ZNF154: variants seen among roughly 807,000 people sequenced by gnomAD.
ZNF154 encodes zinc finger protein 154.
In ZNF154, 6 loss-of-function variants were observed where a neutral mutation model predicts 7.5. The observed-to-expected ratio is 0.80, with a 90% CI of 0.44 to 1.57. ZNF154 has a LOEUF of 1.57. Ranked by LOEUF, ZNF154 falls within the 40% of genes most tolerant of loss-of-function variation. ZNF154 has a pLI of 0.01. For synonymous variants in ZNF154, 187 were observed against 185.9 expected (o/e 1.01, Z -0.05); for missense variants, 485 against 531.4 (o/e 0.91, Z 0.86).
chr19:57,701,722 C>A lies in ZNF154; in HGVS notation c.1227G>T (p.Gly409=). 1.2e-6 allele frequency: 2 copies of A among 1,613,748 alleles called. No individual in the cohort carries two copies. Among genetic ancestry groups the A allele is most frequent in the Non-Finnish European group, 1.7e-6 (2 of 1,179,880 alleles). ...GLIKHRRVHT[G]EKPYECTECG... ...ATTCCGTGCACTCATAAGGCTTCTC[C>A]CCAGTGTGAACCCTCCTGTGCTTAA... The change falls in exon 3 of 3, where the codon GGG becomes GGT. Residue 409 remains glycine, a synonymous_variant. Transcript: ENST00000684351.
Position 57,709,069 on chromosome 19 carries a change from G to A in ZNF154, c.-98C>T, listed in dbSNP as rs1005762558. Reference sequence around the variant, plus strand: ...TCCCAGGCCTGACGTGGGTCCCCCAGGGCGGCGTCGCCAAGGCTTAGACGC... The same window carrying A: ...TCCCAGGCCTGACGTGGGTCCCCCAAGGCGGCGTCGCCAAGGCTTAGACGC... On this transcript the variant is annotated 5_prime_UTR_variant, in exon 1 of 3. Coordinates refer to ENST00000684351, the MANE Select transcript of ZNF154 (RefSeq NM_001085384.3). 2.6e-6 allele frequency: 4 copies of A among 1,514,626 alleles called. No homozygotes were observed. Among genetic ancestry groups the A allele is most frequent in the South Asian group, 1.2e-5 (1 of 83,162 alleles). 93.8% of individuals were successfully genotyped at this position (1,514,626 alleles called of 1,614,324 possible).
At chr19:57,707,117 A>C (rs1388030213) in intron 1 of ZNF154, among the ~76,000 whole-genome samples, 1 of 148,466 alleles carries the variant, frequency 6.7e-6, no homozygotes, top group Non-Finnish European at 1.5e-5. Context: ...CCATCTCAAA[A>C]AAAAAAAAAA....
At position 57,699,074 on chromosome 19, in the gene ZNF154, A is replaced by T; in HGVS notation, c.*2561T>A. ...CCCAAAGTGCTGGGATTACAGGTGT[A>T]AGCCACCGCATCTGGCCTCTTTTTT... On this transcript the variant is annotated 3_prime_UTR_variant, in exon 3 of 3. Coordinates refer to ENST00000684351, the MANE Select transcript of ZNF154 (RefSeq NM_001085384.3). The T allele has an allele frequency of 6.8e-6, 1 of 146,802 alleles. No individual in the cohort carries two copies. Among genetic ancestry groups the T allele is most frequent in the Non-Finnish European group, 1.5e-5 (1 of 66,876 alleles). 9.1% of individuals were successfully genotyped at this position (146,802 alleles called of 1,614,324 possible).
At chr19:57,707,113 C>CAAA (rs1282058157) in intron 1 of ZNF154, among the ~76,000 whole-genome samples, 17 of 94,262 alleles carry the variant, frequency 1.8e-4, no homozygotes, top group East Asian at 5.4e-4. Context: ...CACTCCATCT[C>CAAA]AAAAAAAAAA....
At chr19:57,707,018 C>T (rs1307023048) in intron 1 of ZNF154, among the ~76,000 whole-genome samples, 1 of 149,480 alleles carries the variant, frequency 6.7e-6, no homozygotes, top group Non-Finnish European at 1.5e-5. Flanking sequence ...GAGGCTGAGG[C>T]AGGAGAATTG....
intron 2 of ZNF154, among the ~76,000 whole-genome samples, chr19:57,703,801 G>A (rs1331645827): frequency 6.6e-6 from 1 of 152,132 alleles, no homozygotes; most frequent in Admixed American, 6.5e-5. Context: ...CACAAGGTCA[G>A]GAGTTCAAGA....
rs1984959022 is a variant in ZNF154 at position 57,697,857 on chromosome 19, A to G, written c.*3778T>C. ...TTGAACACAGCTGTAACAGGAGACA[A>G]AATATGTCATTGTACCAGTAATTTT... On this transcript the variant is annotated 3_prime_UTR_variant, in exon 3 of 3. Coordinates refer to ENST00000684351, the MANE Select transcript of ZNF154 (RefSeq NM_001085384.3). The G allele has an allele frequency of 6.6e-6, 1 of 152,190 alleles. No homozygotes were observed. The highest frequency in any genetic ancestry group is 1.5e-5 in the Non-Finnish European group (1 of 68,036). The allele number at this position is 152,190 out of a possible 1,614,324, so 9.4% of individuals were successfully genotyped here.
rs1984895121 is a variant in ZNF154, at chr19:57,696,369, A to C, written c.*5266T>G. Among the ~76,000 whole-genome samples the C allele has an allele frequency of 6.6e-6, 1 of 152,044 alleles. No homozygotes were observed. Among genetic ancestry groups the C allele is most frequent in the Non-Finnish European group, 1.5e-5 (1 of 68,014 alleles). ...GGATCAGGTAAATGATAAGGCATCAACTCACTAGGTGCTGGGGATAGTGCT... is the reference window on the plus strand; with the variant it reads ...GGATCAGGTAAATGATAAGGCATCACCTCACTAGGTGCTGGGGATAGTGCT... On this transcript the variant is annotated 3_prime_UTR_variant, in exon 3 of 3. Transcript: ENST00000684351.
Position 57,708,856 on chromosome 19 carries a change from G to A in ZNF154, c.33+83C>T. On this transcript the variant is annotated intron_variant, in intron 1 of 2. Coordinates refer to ENST00000684351, the MANE Select transcript of ZNF154 (RefSeq NM_001085384.3). ...CAGTGTCCCCGACCCTGGGCAGCGG[G>A]GACTCGAGCAGGCGCCCCTCACTGA... The A allele has an allele frequency of 3.9e-6, 6 of 1,524,548 alleles. No individual in the cohort carries two copies. In the South Asian group the frequency reaches 6.0e-5, roughly 15 times the overall value. 94.4% of individuals were successfully genotyped at this position (1,524,548 alleles called of 1,614,324 possible). A position where few individuals can be genotyped will look rare whatever the true frequency, so the allele number is the denominator to read the frequency against.
At chr19:57,705,391 C>T (rs1468825661) in intron 1 of ZNF154, among the ~76,000 whole-genome samples, 1 of 152,172 alleles carries the variant, frequency 6.6e-6, no homozygotes, top group African/African-American at 2.4e-5. Flanking sequence ...CCTCTTTACC[C>T]CATTAGCGAA....
Position 57,702,344 on chromosome 19 carries a change from G to A in ZNF154, c.605C>T (p.Ser202Phe). 1 of 1,612,894 alleles carries A rather than the reference G, an allele frequency of 6.2e-7. No individual in the cohort carries two copies. Among genetic ancestry groups the A allele is most frequent in the Non-Finnish European group, 8.5e-7 (1 of 1,178,974 alleles). ...AACTCTCCGGTGCTGAATGAGACTA[G>A]AGCTTTGCCTAAAGGACTTCCCACA... ...RECGKSFRQS[S>F]SLIQHRRVHT... is the part of the protein sequence containing the mutation. The change falls in exon 3 of 3, where the codon TCT becomes TTT. Residue 202 changes from serine (S) to phenylalanine (F), a missense_variant. By Grantham distance (155) the Ser-to-Phe change is radical (BLOSUM62 -2). Coordinates refer to ENST00000684351, the MANE Select transcript of ZNF154 (RefSeq NM_001085384.3).
Position 57,702,384 on chromosome 19 carries a change from AAG to A in ZNF154, c.563_564del (p.Pro188LeufsTer2). 1 of 1,612,840 alleles carries A rather than the reference AAG, an allele frequency of 6.2e-7. No individual in the cohort carries two copies. Among genetic ancestry groups the A allele is most frequent in the Non-Finnish European group, 8.5e-7 (1 of 1,178,956 alleles). The stretch of plus-strand genomic sequence containing the variant: ...GACTTCCCACACTCTCGACATTCAT[AAG>A]GCTTTTCTCCAGTGTGAAGTCTCCA... ...DHWRLHTGEK[P>X]YECRECGKSF... On this transcript the variant is annotated frameshift_variant, in exon 3 of 3. Coordinates refer to ENST00000684351, the MANE Select transcript of ZNF154 (RefSeq NM_001085384.3). LOFTEE classifies it low-confidence loss of function (END_TRUNC).
chr19:57,705,527 G>T (rs866082419), intron 1 of ZNF154, among the ~76,000 whole-genome samples: 2 of 152,114 alleles, frequency 1.3e-5, no homozygotes, highest in African/African-American at 4.8e-5. Flanking sequence ...AGGCCAAGAC[G>T]GGTGGATCAC....
intron 1 of ZNF154, among the ~76,000 whole-genome samples, chr19:57,705,708 T>G (rs952305007): frequency 1.3e-5 from 2 of 148,478 alleles, no homozygotes; most frequent in African/African-American, 5.0e-5. Context: ...GAGCCAAGAT[T>G]GCGAAACTGC....
chr19:57,697,979 T>C lies in ZNF154; in HGVS notation c.*3656A>G, dbSNP rs1466776225. ...AAGCATGTATGAAAATATCAAAATA[T>C]GCATTTTAAATATAAGCACTTTAAG... On this transcript the variant is annotated 3_prime_UTR_variant, in exon 3 of 3. Coordinates refer to ENST00000684351, the MANE Select transcript of ZNF154 (RefSeq NM_001085384.3). 6.6e-6 allele frequency: 1 copy of C among 152,166 alleles called. No homozygotes were observed. Among genetic ancestry groups the C allele is most frequent in the African/African-American group, 2.4e-5 (1 of 41,436 alleles). The allele number at this position is 152,166 out of a possible 1,614,324, so 9.4% of individuals were successfully genotyped here.
In ZNF154 at chr19:57,702,408, T is replaced by G; in HGVS notation, c.541A>C (p.Arg181=). The change falls in exon 3 of 3, where the codon AGA becomes CGA. Residue 181 remains arginine (R), a synonymous_variant. Coordinates refer to ENST00000684351, the MANE Select transcript of ZNF154 (RefSeq NM_001085384.3). ...SKSYSLNDHW[R]LHTGEKPYEC... is the part of the protein sequence containing the mutation. Reference sequence around the variant, plus strand: ...TAAGGCTTTTCTCCAGTGTGAAGTCTCCAATGGTCATTGAGACTGTAGCTT... The same window carrying G: ...TAAGGCTTTTCTCCAGTGTGAAGTCGCCAATGGTCATTGAGACTGTAGCTT... 6.2e-7 allele frequency: 1 copy of G among 1,614,010 alleles called. No individual in the cohort carries two copies. Among genetic ancestry groups the G allele is most frequent in the African/African-American group, 1.3e-5 (1 of 75,024 alleles).
chr19:57,704,495 G>C (rs1385454794), intron 2 of ZNF154, among the ~76,000 whole-genome samples: 1 of 152,168 alleles, frequency 6.6e-6, no homozygotes, highest in Non-Finnish European at 1.5e-5. Flanking sequence ...GCATAGGCAG[G>C]CATAATGAAA....
At position 57,702,471 on chromosome 19, in the gene ZNF154, A is replaced by T; in HGVS notation, c.478T>A (p.Cys160Ser). 1 of 1,614,236 alleles carries T rather than the reference A, an allele frequency of 6.2e-7. No individual in the cohort carries two copies. Among genetic ancestry groups the T allele is most frequent in the Non-Finnish European group, 8.5e-7 (1 of 1,180,038 alleles). ...QQQRTLTTER[C>S]YICSECGKSF... ...TTCCCACATTCACTGCATATGTAAC[A>T]TCTTTCTGTAGTGAGGGTTCTCTGC... Residue 160 changes from cysteine (C) to serine (S), a missense_variant, in exon 3 of 3, where the codon TGT becomes AGT. Cys to Ser is a moderately radical substitution (Grantham distance 112). Coordinates refer to ENST00000684351, the MANE Select transcript of ZNF154 (RefSeq NM_001085384.3).
chr19:57,705,870 A>G (rs1179539397), intron 1 of ZNF154, among the ~76,000 whole-genome samples: 3 of 152,184 alleles, frequency 2.0e-5, no homozygotes, highest in Non-Finnish European at 2.9e-5. Flanking sequence ...GTCCAGAAAA[A>G]AAGTGAATAA....
Sources: gnomAD v4.1 joint callset for allele counts (sites outside exome capture counted in the v4.1 genomes callset) on GRCh38, gnomAD v4.1.1 for gene constraint, MANE v1.5 for transcripts, NCBI Gene and HGNC (gene_info 2026-07-23, HGNC 2026-07-21) for gene names.